The following ZNF177 variants were observed in gnomAD, a reference collection of about 807,000 sequenced individuals.
The protein encoded by ZNF177 is zinc finger protein 177.
In ZNF177, 17 loss-of-function variants were observed where a neutral mutation model predicts 19.4. The ratio of observed to expected loss-of-function variants is 0.87; its 90% confidence interval spans 0.60 to 1.31. ZNF177 has a LOEUF of 1.31. Among genes scored for constraint, ZNF177 ranks in the 40% most tolerant of loss-of-function variants. The pLI, the probability that ZNF177 is intolerant of heterozygous loss-of-function variation, is 0.00. For synonymous variants in ZNF177, 220 were observed against 188.7 expected, an observed-to-expected ratio of 1.17 and a Z score of -1.36; for missense variants, 633 against 561.8, an observed-to-expected ratio of 1.13 and a Z score of -1.28.
At chr19:9,379,759 C>A (rs900710606) in intron 4 of ZNF177, 140 bp downstream of exon 6, 2 of 1,026,864 alleles carry the variant, frequency 1.9e-6, no homozygotes, top group Non-Finnish European at 1.4e-6. Flanking sequence ...ATCGTTCATA[C>A]GTTCATTTGG....
At position 9,380,873 on chromosome 19, in the gene ZNF177, GTAGA is replaced by G. The variant is rs1314865989; in HGVS notation, c.543_546del (p.Cys181Ter). Reference sequence around the variant, plus strand: ...GAGAAAACTCTTGAATTTACTGATTGTAGAAAAGCTTTCAATCAAGAGTCATCCC... The same window carrying G: ...GAGAAAACTCTTGAATTTACTGATTGAAAGCTTTCAATCAAGAGTCATCCC... On this transcript the variant is annotated frameshift_variant, in exon 6 of 6. Coordinates refer to ENST00000589262, the Ensembl canonical transcript of ZNF177. LOFTEE classifies it low-confidence loss of function (END_TRUNC). 6.5e-7 allele frequency: 1 copy of G among 1,536,110 alleles called. No individual in the cohort carries two copies.
intron 2 of ZNF177, 124 bp downstream of exon 4, chr19:9,378,468 G>C (rs898931928): frequency 6.9e-7 from 1 of 1,441,822 alleles, no homozygotes; most frequent in Non-Finnish European, 9.3e-7. Context: ...CAGCTCCCAG[G>C]CTGCTTCATG....
At chr19:9,365,715 T>C (rs2067969762) in intron 2 of ZNF177, among the ~76,000 whole-genome samples, 1 of 151,876 alleles carries the variant, frequency 6.6e-6, no homozygotes, top group Non-Finnish European at 1.5e-5. Context: ...TTTGGGTCCA[T>C]GGATAAAACA....
rs756007275 is a variant in ZNF177, at chr19:9,381,711, C to G, written c.1380C>G (p.Ala460=). 79 of 1,613,938 alleles carry G rather than the reference C, an allele frequency of 4.9e-5. 1 individual carries two copies. In the South Asian group the frequency reaches 7.1e-4, roughly 15 times the overall value. ...ATAAATGTATTCAGTGTGAAAAAGC[C>G]TTTAGCACAAGCACTAACCTTATAA... Residue 460 remains alanine (A), a synonymous_variant, in exon 6 of 6, where the codon GCC becomes GCG. Coordinates refer to ENST00000589262, the Ensembl canonical transcript of ZNF177.
chr19:9,373,280 G>A (rs1481063356), upstream of ZNF177, among the ~76,000 whole-genome samples: 1 of 151,986 alleles, frequency 6.6e-6, no homozygotes, highest in Admixed American at 6.6e-5. Flanking sequence ...TGTTCTCCAG[G>A]TTTCCTTCTT....
rs374363898 is a variant in ZNF177, at chr19:9,379,540, C to A, written c.174C>A (p.Cys58Ter). Reference sequence around the variant, plus strand: ...CTGCGTGAGCAGGGTATCAGCTCTGCAGACACAGTCTGATCTCCAAGGTGG... The same window carrying A: ...CTGCGTGAGCAGGGTATCAGCTCTGAAGACACAGTCTGATCTCCAAGGTGG... The change falls in exon 4 of 6, where the codon TGC (cysteine) becomes TGA (stop). Residue 58 changes from cysteine (C) to a stop codon, truncating the protein, a stop_gained. Transcript: ENST00000589262. LOFTEE classifies it high-confidence loss of function. 17 of 1,613,756 alleles carry A rather than the reference C, an allele frequency of 1.1e-5. No individual in the cohort carries two copies. Among genetic ancestry groups the A allele is most frequent in the Non-Finnish European group, 1.4e-5 (16 of 1,179,886 alleles).
chr19:9,381,849 C>G, exon 6 of ZNF177: 1 of 1,517,030 alleles, frequency 6.6e-7, no homozygotes, highest in Non-Finnish European at 8.8e-7. Flanking sequence ...GGAGAGAAGC[C>G]CTGTTATGGT....
At chr19:9,378,437 C>A in intron 2 of ZNF177, 93 bp downstream of exon 4, 5 of 1,565,422 alleles carry the variant, frequency 3.2e-6, no homozygotes, top group Non-Finnish European at 4.3e-6. Flanking sequence ...ACAGCCCAAT[C>A]TGAGCTGGCT....
chr19:9,373,288 CTTTT>C (rs2068070450), upstream of ZNF177, among the ~76,000 whole-genome samples: 1 of 152,124 alleles, frequency 6.6e-6, no homozygotes, highest in Non-Finnish European at 1.5e-5. Flanking sequence ...AGGTTTCCTT[CTTTT>C]TTAAGACTGA....
At chr19:9,367,320 A>T (rs2067993788) in intron 2 of ZNF177, among the ~76,000 whole-genome samples, 1 of 152,142 alleles carries the variant, frequency 6.6e-6, no homozygotes, top group Non-Finnish European at 1.5e-5. Context: ...CTCAAAAAAA[A>T]AATAAAAATA....
chr19:9,366,126 G>C (rs1363453103), intron 2 of ZNF177, among the ~76,000 whole-genome samples: 2 of 152,146 alleles, frequency 1.3e-5, no homozygotes, highest in Non-Finnish European at 2.9e-5. Flanking sequence ...AGGATTACAG[G>C]CATGCTCCAC....
In ZNF177 at chr19:9,371,377, T is replaced by TA. The variant is rs1386141247; in HGVS notation, c.-304-232dup. On this transcript the variant is annotated intron_variant, in intron 2 of 8. Coordinates refer to the ZNF177 transcript ENST00000343499. ...CACTGATTTATTGAAGAAATAAAGTTATTTGTTCTTAAAATGTCCCACATC... is the reference window on the plus strand; with the variant it reads ...CACTGATTTATTGAAGAAATAAAGTTAATTTGTTCTTAAAATGTCCCACATC... Among the ~76,000 whole-genome samples, 5 of 152,332 alleles carry TA rather than the reference T, an allele frequency of 3.3e-5. No individual in the cohort carries two copies. In the Middle Eastern group the frequency reaches 0.01, roughly 311 times the overall value.
At chr19:9,374,944 A>G (rs1470528731), upstream of ZNF177, among the ~76,000 whole-genome samples, 2 of 152,152 alleles carry the variant, frequency 1.3e-5, no homozygotes, top group African/African-American at 4.8e-5. Context: ...AAAAGCTTTC[A>G]ATTTTTTATA....
At chr19:9,379,327 G>A (rs1286266690) in intron 3 of ZNF177, among the ~76,000 whole-genome samples, 200 bp from the exon 6 acceptor site, 1 of 152,154 alleles carries the variant, frequency 6.6e-6, no homozygotes, top group Admixed American at 6.5e-5. Flanking sequence ...AGGTTTCAAG[G>A]GTCACTTCCA....
exon 6 of ZNF177, chr19:9,381,716 G>T: frequency 6.2e-7 from 1 of 1,613,962 alleles, no homozygotes; most frequent in Non-Finnish European, 8.5e-7. Context: ...AAAGCCTTTA[G>T]CACAAGCACT....
At chr19:9,376,261 G>T (rs1227037086), upstream of ZNF177, 1 of 152,110 alleles carries the variant, frequency 6.6e-6, no homozygotes, top group African/African-American at 2.4e-5. Flanking sequence ...AAGTAGCTGG[G>T]ACTACTGGCA....
chr19:9,363,589 G>C (rs954255566), intron 1 of ZNF177, among the ~76,000 whole-genome samples: 3 of 152,114 alleles, frequency 2.0e-5, no homozygotes, highest in Non-Finnish European at 4.4e-5. Context: ...GGTCTTCAAG[G>C]TTTATTTTTG....
At position 9,380,122 on chromosome 19, in the gene ZNF177, TC is replaced by T. The variant is rs753071395; in HGVS notation, c.321del (p.Asn108MetfsTer3). Reference sequence around the variant, plus strand: ...GCAGAACATTCCTGGGGGAAAAACATCCAATGGCATAAACACGGTAAGACTT... The same window carrying T: ...GCAGAACATTCCTGGGGGAAAAACATCAATGGCATAAACACGGTAAGACTT... On this transcript the variant is annotated frameshift_variant, in exon 5 of 6. Coordinates refer to ENST00000589262, the Ensembl canonical transcript of ZNF177. LOFTEE classifies it low-confidence loss of function (END_TRUNC). 6.8e-6 allele frequency: 11 copies of T among 1,610,986 alleles called. No homozygotes were observed. The highest frequency in any genetic ancestry group is 8.5e-6 in the Non-Finnish European group (10 of 1,179,412).
At chr19:9,363,472 C>T (rs765449030) in intron 1 of ZNF177, among the ~76,000 whole-genome samples, 1 of 152,318 alleles carries the variant, frequency 6.6e-6, no homozygotes, top group South Asian at 2.1e-4. Flanking sequence ...TTGTGGAGAT[C>T]GTCCCTTTTT....
Sources: gnomAD v4.1 joint callset for allele counts (sites outside exome capture counted in the v4.1 genomes callset) on GRCh38, gnomAD v4.1.1 for gene constraint, MANE v1.5 for transcripts, NCBI Gene and HGNC (gene_info 2026-07-23, HGNC 2026-07-21) for gene names.